The following MANSC1 variants were observed in gnomAD, a reference collection of about 807,000 sequenced individuals.
MANSC1 encodes MANSC domain containing 1.
In MANSC1, 13 loss-of-function variants were observed where a neutral mutation model predicts 14.1. The observed-to-expected ratio is 0.92, with a 90% CI of 0.60 to 1.46. MANSC1 has a LOEUF of 1.46. MANSC1 is among the 40% of genes most tolerant of loss of function. The probability of loss-of-function intolerance (pLI) is 0.00; values close to 1 mark genes in which losing one functional copy is unlikely to be tolerated. For missense variants in MANSC1, 486 were observed against 511.4 expected (o/e 0.95, Z 0.48); for synonymous variants, 227 against 200.7 (o/e 1.13, Z -1.11).
At position 12,349,025 on chromosome 12, in the gene MANSC1, T is replaced by C. The variant is rs115333141; in HGVS notation, c.-101+1053A>G. 1.6e-3 allele frequency among the ~76,000 whole-genome samples: 251 copies of C among 152,316 alleles called. 3 individuals carry two copies. The highest frequency in any genetic ancestry group is 5.9e-3 in the African/African-American group (245 of 41,568). On this transcript the variant is annotated intron_variant, in intron 1 of 3. Transcript: ENST00000535902. ...CATAATTTTGACGTGGTATTGAGTATAGATAATATTTTGAAACGTGCAACA... is the reference window on the plus strand; with the variant it reads ...CATAATTTTGACGTGGTATTGAGTACAGATAATATTTTGAAACGTGCAACA...
At position 12,330,047 on chromosome 12, in the gene MANSC1, C is replaced by T. The variant is rs1862760062; in HGVS notation, c.1276G>A (p.Gly426Arg). The T allele has an allele frequency of 6.2e-7, 1 of 1,613,936 alleles. No individual in the cohort carries two copies. The change falls in exon 4 of 4, where the codon GGG (glycine) becomes AGG (arginine). Residue 426 changes from glycine (G) to arginine (R), a missense_variant. Physicochemically the swap from Gly to Arg is moderately radical, Grantham distance 125. Coordinates refer to ENST00000535902, the MANE Select transcript of MANSC1 (RefSeq NM_018050.4). Reference protein sequence around the residue: ...RYSRLDYLINGIYVDI With the variant: ...RYSRLDYLINRIYVDI Reference sequence around the variant, plus strand: ...CATCCTTAGATGTCCACATAGATCCCATTGATCAAATAATCCAGTCTTGAG... The same window carrying T: ...CATCCTTAGATGTCCACATAGATCCTATTGATCAAATAATCCAGTCTTGAG...
intron 2 of MANSC1, chr12:12,339,256 ATTTTT>A (rs1001799538): frequency 5.3e-5 from 8 of 151,974 alleles, no homozygotes; most frequent in Admixed American, 4.6e-4. Context: ...GGGATTATTT[ATTTTT>A]TTTATTTTTT....
At chr12:12,349,844 C>T (rs1304525844) in intron 1 of MANSC1, among the ~76,000 whole-genome samples, 1 of 152,228 alleles carries the variant, frequency 6.6e-6, no homozygotes, top group Non-Finnish European at 1.5e-5. Context: ...CTGATGTCAA[C>T]GCAGAGCCAG....
intron 3 of MANSC1, among the ~76,000 whole-genome samples, chr12:12,337,543 A>G (rs745889760): frequency 6.6e-6 from 1 of 152,232 alleles, no homozygotes; most frequent in African/African-American, 2.4e-5. Context: ...CCTGGGCAAC[A>G]GAGTGAGACT....
rs150498630 is a variant in MANSC1 at position 12,347,290 on chromosome 12, A to C, written c.-101+2788T>G. On this transcript the variant is annotated intron_variant, in intron 1 of 3. Transcript: ENST00000535902. ...ACAGATCATCAGGCATTAGATTCTC[A>C]TAAGGAGTGTGCAGCCTAGATCCCT... is the stretch of plus-strand genomic sequence containing the variant. 3.1e-4 allele frequency among the ~76,000 whole-genome samples: 47 copies of C among 152,312 alleles called. No individual in the cohort carries two copies. In the East Asian group the frequency reaches 8.9e-3, roughly 29 times the overall value.
At chr12:12,341,150 C>T (rs1544684) in intron 2 of MANSC1, among the ~76,000 whole-genome samples, 31,419 of 152,070 alleles carry the variant, frequency 0.21, 3,491 homozygotes, top group East Asian at 0.3. Flanking sequence ...CACACTTCTG[C>T]CTGACTCGGC....
At chr12:12,345,561 A>G (rs775847700) in intron 1 of MANSC1, among the ~76,000 whole-genome samples, 2 of 152,104 alleles carry the variant, frequency 1.3e-5, no homozygotes, top group Non-Finnish European at 2.9e-5. Flanking sequence ...TATAATGCCA[A>G]CTCTATTGAG....
chr12:12,342,016 C>A (rs116387659), intron 2 of MANSC1, among the ~76,000 whole-genome samples: 1 of 152,166 alleles, frequency 6.6e-6, no homozygotes, highest in African/African-American at 2.4e-5. Context: ...ACAAAAAAGT[C>A]CACTGCAGCC....
Position 12,343,287 on chromosome 12 carries a change from T to A in MANSC1, c.28A>T (p.Thr10Ser). Residue 10 changes from threonine to serine, a missense_variant, in exon 2 of 4, where the codon ACT becomes TCT. Coordinates refer to ENST00000535902, the MANE Select transcript of MANSC1 (RefSeq NM_018050.4). MFFGGEGSLTYTLVIICFLT... is the reference protein window; with the variant it reads MFFGGEGSLSYTLVIICFLT... ...AAGCAAATTATTACCAAAGTGTAAG[T>A]CAAGCTCCCTTCTCCCCCGAAGAAC... The A allele has an allele frequency of 6.2e-7, 1 of 1,613,932 alleles. No individual in the cohort carries two copies. The highest frequency in any genetic ancestry group is 8.5e-7 in the Non-Finnish European group (1 of 1,179,818).
intron 3 of MANSC1, among the ~76,000 whole-genome samples, chr12:12,331,715 G>A (rs12818025): frequency 0.41 from 62,032 of 152,000 alleles, 14,464 homozygotes; most frequent in Middle Eastern, 0.6. Flanking sequence ...TGACAGGGAG[G>A]AGGAGGAGGG....
At position 12,338,536 on chromosome 12, in the gene MANSC1, A is replaced by G. The variant is rs1375550800; in HGVS notation, c.248T>C (p.Ile83Thr). The change falls in exon 3 of 4, where the codon ATC (isoleucine) becomes ACC (threonine). Residue 83 changes from isoleucine (I) to threonine (T), a missense_variant. Transcript: ENST00000535902. ...ISGDKACNLM[I>T]FDTRKTARQP... ...TCTAGCTGTTTTTCGAGTGTCGAAG[A>G]TCATCAAGTTACATGCTTTGTCCCC... is the stretch of plus-strand genomic sequence containing the variant. The G allele has an allele frequency of 1.9e-6, 3 of 1,613,212 alleles. No individual in the cohort carries two copies. Among genetic ancestry groups the G allele is most frequent in the African/African-American group, 1.3e-5 (1 of 74,990 alleles).
In MANSC1 at chr12:12,338,421, T is replaced by C. The variant is rs559143945; in HGVS notation, c.363A>G (p.Thr121=). 1.9e-6 allele frequency: 3 copies of C among 1,585,446 alleles called. No homozygotes were observed. Among genetic ancestry groups the C allele is most frequent in the South Asian group, 1.2e-5 (1 of 86,230 alleles). The part of the protein sequence containing the change: ...AKGLMSYRII[T]DFPSLTRNLP... The stretch of plus-strand genomic sequence containing the variant: ...GAAAAAGTATAATGCTTTCATTACC[T>C]GTAATTATCCTGTAACTCATAAGTC... Residue 121 remains threonine (T), a splice_region_variant and synonymous_variant, in exon 3 of 4, where the codon ACA becomes ACG. Transcript: ENST00000535902.
In MANSC1 at chr12:12,328,985, C is replaced by CAT. The variant is rs1862744942; in HGVS notation, c.*1041_*1042insAT. On this transcript the variant is annotated 3_prime_UTR_variant, in exon 4 of 4. Coordinates refer to ENST00000535902, the MANE Select transcript of MANSC1 (RefSeq NM_018050.4). ...CCTGGGTGACAGAGCAAGACTCTGT[C>CAT]ACACACACACACACACACACACACA... 1 of 3,534 alleles carries CAT rather than the reference C, an allele frequency of 2.8e-4. No individual in the cohort carries two copies. The highest frequency in any genetic ancestry group is 4.4e-4 in the Non-Finnish European group (1 of 2,260). 0.2% of individuals were successfully genotyped at this position (3,534 alleles called of 1,614,324 possible).
Position 12,330,157 on chromosome 12 carries a change from G to C in MANSC1, c.1166C>G (p.Ser389Cys). 6.2e-7 allele frequency: 1 copy of C among 1,614,124 alleles called. No homozygotes were observed. Among genetic ancestry groups the C allele is most frequent in the Non-Finnish European group, 8.5e-7 (1 of 1,180,038 alleles). Residue 389 changes from serine to cysteine, a missense_variant, in exon 4 of 4, where the codon TCC (serine) becomes TGC (cysteine). Ser to Cys is a moderately radical substitution (Grantham distance 112, BLOSUM62 -1). Transcript: ENST00000535902. Reference sequence around the variant, plus strand: ...CAGGAACAGGACACCAAAGAGCAGGGACCCGATAAGAAGCCATTTTTCAAA... The same window carrying C: ...CAGGAACAGGACACCAAAGAGCAGGCACCCGATAAGAAGCCATTTTTCAAA... ...LPFEKWLLIG[S>C]LLFGVLFLVI...
In MANSC1 at chr12:12,338,462, A is replaced by T; in HGVS notation, c.322T>A (p.Leu108Met). The T allele has an allele frequency of 1.2e-6, 2 of 1,611,348 alleles. No individual in the cohort carries two copies. The highest frequency in any genetic ancestry group is 1.7e-6 in the Non-Finnish European group (2 of 1,179,410). Residue 108 changes from leucine to methionine, a missense_variant, in exon 3 of 4, where the codon TTG becomes ATG. Leu to Met is a conservative substitution (Grantham distance 15). Transcript: ENST00000535902. ...CTCATAAGTCCTTTTGCTGGTTTCA[A>T]TGGACAGGCTTCCTCGTTGGGACAG... ...FFCPNEEACPLKPAKGLMSYR... is the reference protein window; with the variant it reads ...FFCPNEEACPMKPAKGLMSYR...
Position 12,330,426 on chromosome 12 carries a change from T to G in MANSC1, c.897A>C (p.Thr299=). The G allele has an allele frequency of 3.1e-6, 5 of 1,614,224 alleles. No individual in the cohort carries two copies. The highest frequency in any genetic ancestry group is 4.2e-6 in the Non-Finnish European group (5 of 1,180,036). The change falls in exon 4 of 4, where the codon ACA becomes ACC. Residue 299 remains threonine, a synonymous_variant. Coordinates refer to ENST00000535902, the MANE Select transcript of MANSC1 (RefSeq NM_018050.4). Reference sequence around the variant, plus strand: ...GAAAGGTGGTAGTCAGAACTGCTGTTGTAGCCATTGCTTGGAGTGTAGCCG... The same window carrying G: ...GAAAGGTGGTAGTCAGAACTGCTGTGGTAGCCATTGCTTGGAGTGTAGCCG... ...RAAATLQAMA[T]TAVLTTTFQA...
rs1394508035 is a variant in MANSC1, at chr12:12,330,312, G to A, written c.1011C>T (p.Asn337=). Residue 337 remains asparagine, a synonymous_variant, in exon 4 of 4, where the codon AAC becomes AAT. Transcript: ENST00000535902. The stretch of plus-strand genomic sequence containing the variant: ...CATTTGACATAGAAAGTGCAGTAGG[G>A]TTATACACATTCCCTGTGTTCAAAG... The part of the protein sequence containing the change: ...NLTLNTGNVY[N]PTALSMSNVE... The A allele has an allele frequency of 1.9e-6, 3 of 1,614,088 alleles. No homozygotes were observed. Among genetic ancestry groups the A allele is most frequent in the African/African-American group, 1.3e-5 (1 of 74,920 alleles).
chr12:12,327,666 T>C lies in MANSC1; in HGVS notation c.*2361A>G, dbSNP rs1373124799. On this transcript the variant is annotated 3_prime_UTR_variant, in exon 4 of 4. Coordinates refer to ENST00000535902, the MANE Select transcript of MANSC1 (RefSeq NM_018050.4). ...GTTACTAATCTGATTCTGGCCTACATGTGGATATTCAATAAATACTTGTTA... is the reference window on the plus strand; with the variant it reads ...GTTACTAATCTGATTCTGGCCTACACGTGGATATTCAATAAATACTTGTTA... 1 of 152,238 alleles carries C rather than the reference T, an allele frequency of 6.6e-6. No individual in the cohort carries two copies. The highest frequency in any genetic ancestry group is 2.4e-5 in the African/African-American group (1 of 41,464). 9.4% of individuals were successfully genotyped at this position (152,238 alleles called of 1,614,324 possible). A position where few individuals can be genotyped will look rare whatever the true frequency, so the allele number is the denominator to read the frequency against.
At chr12:12,333,044 A>AATATATAT (rs147386841) in intron 3 of MANSC1, among the ~76,000 whole-genome samples, 13 of 148,364 alleles carry the variant, frequency 8.8e-5, no homozygotes, top group African/African-American at 1.5e-4. Flanking sequence ...TATATTTGAA[A>AATATATAT]ATATATATAT....
Sources: gnomAD v4.1 joint callset for allele counts (sites outside exome capture counted in the v4.1 genomes callset) on GRCh38, gnomAD v4.1.1 for gene constraint, MANE v1.5 for transcripts, NCBI Gene and HGNC (gene_info 2026-07-23, HGNC 2026-07-21) for gene names.